The following PRKAR1B variants were observed in gnomAD, a reference collection of about 807,000 sequenced individuals.
PRKAR1B encodes the protein protein kinase cAMP-dependent type I regulatory subunit beta.
In PRKAR1B, 22 loss-of-function variants were observed where a neutral mutation model predicts 46.5. The ratio of observed to expected loss-of-function variants is 0.47; its 90% CI spans 0.34 to 0.68. PRKAR1B has a LOEUF of 0.68. Among genes scored for constraint, PRKAR1B ranks in the 30% least tolerant of loss-of-function variants. The probability of loss-of-function intolerance (pLI) is 0.01; values close to 1 mark genes in which losing one functional copy is unlikely to be tolerated. For synonymous variants in PRKAR1B, 259 were observed against 217.7 expected (o/e 1.19, Z -1.67); for missense variants, 445 against 535.6 (o/e 0.83, Z 1.67).
In PRKAR1B at chr7:579,394, A is replaced by G; in HGVS notation, c.770-17T>C. The G allele has an allele frequency of 6.2e-7, 1 of 1,612,330 alleles. No homozygotes were observed. The highest frequency in any genetic ancestry group is 8.5e-7 in the Non-Finnish European group (1 of 1,179,994). On this transcript the variant is annotated splice_polypyrimidine_tract_variant and intron_variant, in intron 8 of 10. Coordinates refer to ENST00000537384, the MANE Select transcript of PRKAR1B (RefSeq NM_001164760.2). ...CCAGGGACTCTGTCGGGGGAGGATG[A>G]GGACAGGTCATCCCGGGGCCCACGC...
At chr7:563,149 G>A (rs937966741) in intron 9 of PRKAR1B, among the ~76,000 whole-genome samples, 1 of 152,118 alleles carries the variant, frequency 6.6e-6, no homozygotes, top group Non-Finnish European at 1.5e-5. Flanking sequence ...CAGCCCTCCA[G>A]GCAGCCACCA....
chr7:572,865 C>T (rs537896044), intron 9 of PRKAR1B, among the ~76,000 whole-genome samples: 9 of 152,246 alleles, frequency 5.9e-5, no homozygotes, highest in Non-Finnish European at 1.3e-4. Flanking sequence ...GCTTTAGAAA[C>T]TGCTGGAGGA....
chr7:672,882 T>C (rs955842060), intron 4 of PRKAR1B, among the ~76,000 whole-genome samples: 1 of 150,608 alleles, frequency 6.6e-6, no homozygotes, highest in East Asian at 2.0e-4. Context: ...AAAGAAAAAA[T>C]AATTTTTTTT....
intron 4 of PRKAR1B, among the ~76,000 whole-genome samples, chr7:621,150 C>T (rs1243980199): frequency 6.6e-6 from 1 of 152,190 alleles, no homozygotes; most frequent in East Asian, 1.9e-4. Flanking sequence ...ATACAATGAT[C>T]TAGCAGCTTC....
intron 4 of PRKAR1B, among the ~76,000 whole-genome samples, chr7:637,275 T>C (rs1369590371): frequency 2.0e-5 from 3 of 151,532 alleles, no homozygotes; most frequent in Non-Finnish European, 4.4e-5. Flanking sequence ...AAAAATTAGC[T>C]GGGCATGGTG....
At chr7:716,222 A>AGAT (rs1780879567) in intron 1 of PRKAR1B, among the ~76,000 whole-genome samples, 1 of 122,222 alleles carries the variant, frequency 8.2e-6, no homozygotes, top group African/African-American at 3.2e-5. Context: ...ACTTAAAAAC[A>AGAT]TTTTTTTTTT....
chr7:616,615 G>A (rs1782836715), intron 4 of PRKAR1B, among the ~76,000 whole-genome samples: 2 of 152,190 alleles, frequency 1.3e-5, no homozygotes, highest in Admixed American at 6.5e-5. Context: ...CTCCTCACCG[G>A]CCACCAGACC....
Position 699,133 on chromosome 7 carries a change from G to C in PRKAR1B, c.177+12196C>G, listed in dbSNP as rs552953942. Among the ~76,000 whole-genome samples, 11 of 152,358 alleles carry C rather than the reference G, an allele frequency of 7.2e-5. No homozygotes were observed. In the East Asian group the frequency reaches 1.7e-3, roughly 24 times the overall value. On this transcript the variant is annotated intron_variant, in intron 2 of 10. Coordinates refer to ENST00000537384, the MANE Select transcript of PRKAR1B (RefSeq NM_001164760.2). ...GCACGCCAGGGGCCAGAGCCCACAG[G>C]CAAGGTGGGAAGGGTGTGGCCTCAG...
chr7:625,150 C>T lies in PRKAR1B; in HGVS notation c.441-17698G>A, dbSNP rs146371656. ...CAATATTTGGAGATTAAATAACATA[C>T]TTCTAAATAATGCATGGGTCAAAAA... On this transcript the variant is annotated intron_variant, in intron 4 of 10. Transcript: ENST00000537384. 4.6e-3 allele frequency among the ~76,000 whole-genome samples: 695 copies of T among 152,268 alleles called. 6 individuals carry two copies. The highest frequency in any genetic ancestry group is 0.016 in the African/African-American group (661 of 41,544).
At chr7:645,753 C>T (rs574983675) in intron 4 of PRKAR1B, among the ~76,000 whole-genome samples, 1 of 152,196 alleles carries the variant, frequency 6.6e-6, no homozygotes, top group South Asian at 2.1e-4. Context: ...CCCAGGGGAC[C>T]CTGGGATCCC....
chr7:683,718 C>T (rs1427346878), intron 2 of PRKAR1B, among the ~76,000 whole-genome samples: 1 of 152,230 alleles, frequency 6.6e-6, no homozygotes, highest in African/African-American at 2.4e-5. Context: ...CTGACCAATA[C>T]CGGCCTCAAG....
chr7:677,214 G>A lies in PRKAR1B; in HGVS notation c.440+15C>T. ...GGGCGGCGGTGATGCCGGGGCAGGG[G>A]ACGAGTCTGCCTACCTCCTCTCGTT... On this transcript the variant is annotated intron_variant, in intron 4 of 10. Transcript: ENST00000537384. 6.2e-7 allele frequency: 1 copy of A among 1,613,518 alleles called. No homozygotes were observed. Among genetic ancestry groups the A allele is most frequent in the Non-Finnish European group, 8.5e-7 (1 of 1,179,416 alleles).
intron 8 of PRKAR1B, among the ~76,000 whole-genome samples, chr7:581,121 G>A (rs956040546): frequency 1.3e-5 from 2 of 152,030 alleles, no homozygotes; most frequent in Non-Finnish European, 1.5e-5. Flanking sequence ...GGCTAACACG[G>A]TGAAACGCCG....
chr7:715,829 C>A (rs1488744736), intron 1 of PRKAR1B, among the ~76,000 whole-genome samples: 2 of 152,008 alleles, frequency 1.3e-5, no homozygotes, highest in Non-Finnish European at 2.9e-5. Flanking sequence ...CATTCTCCTG[C>A]CTCAGCCTCC....
chr7:685,261 C>CGT lies in PRKAR1B; in HGVS notation c.178-4536_178-4535insAC, dbSNP rs369892037. On this transcript the variant is annotated intron_variant, in intron 2 of 10. Transcript: ENST00000537384. ...ACACATATAACACGTTTTATATATA[C>CGT]ATATATACGTATATATACGTATATA... Among the ~76,000 whole-genome samples, 122 of 61,426 alleles carry CGT rather than the reference C, an allele frequency of 2.0e-3. 4 individuals are homozygous for CGT. Among genetic ancestry groups the CGT allele is most frequent in the African/African-American group, 8.3e-3 (119 of 14,282 alleles). The allele number at this position is 61,426 out of a possible 152,430, so 40.3% of individuals were successfully genotyped here. A position where few individuals can be genotyped will look rare whatever the true frequency, so the allele number is the denominator to read the frequency against.
intron 9 of PRKAR1B, among the ~76,000 whole-genome samples, chr7:554,452 C>G (rs186164547): frequency 5.3e-5 from 8 of 152,370 alleles, no homozygotes; most frequent in Non-Finnish European, 1.2e-4. Context: ...AGGCGATGAA[C>G]CTGACGGCCT....
intron 4 of PRKAR1B, among the ~76,000 whole-genome samples, chr7:642,931 A>G (rs1378677893): frequency 6.6e-6 from 1 of 151,234 alleles, no homozygotes; most frequent in African/African-American, 2.5e-5. Context: ...TGTCTTGAGC[A>G]GTGATTTTGC....
chr7:706,839 T>C (rs918597857), intron 2 of PRKAR1B, among the ~76,000 whole-genome samples: 2 of 152,220 alleles, frequency 1.3e-5, no homozygotes, highest in Non-Finnish European at 2.9e-5. Flanking sequence ...CCATCCCTGC[T>C]GGCCTGTGTT....
intron 3 of PRKAR1B, among the ~76,000 whole-genome samples, chr7:679,491 G>A (rs943243286): frequency 1.3e-5 from 2 of 152,228 alleles, no homozygotes; most frequent in African/African-American, 4.8e-5. Flanking sequence ...CAGAGGTGGA[G>A]TGCCCTAATA....
Sources: allele counts gnomAD v4.1 joint callset (sites outside exome capture counted in the v4.1 genomes callset), GRCh38; gene constraint gnomAD v4.1.1; transcripts MANE v1.5; gene names NCBI Gene and HGNC (gene_info 2026-07-23, HGNC 2026-07-21).